RPGRIP1L: variants seen among roughly 807,000 people sequenced by gnomAD.
RPGRIP1L encodes the protein protein fantom.
In RPGRIP1L, 131 loss-of-function variants were observed where a neutral mutation model predicts 160.4. The ratio of observed to expected loss-of-function variants is 0.82; its 90% CI spans 0.71 to 0.94. RPGRIP1L has a LOEUF of 0.94. RPGRIP1L is among the 40% of genes least tolerant of loss of function. The probability of loss-of-function intolerance (pLI) is 0.00; values close to 1 mark genes in which losing one functional copy is unlikely to be tolerated. For synonymous variants in RPGRIP1L, 510 were observed against 515.8 expected, an observed-to-expected ratio of 0.99 and a Z score of 0.15; for missense variants, 1,522 against 1,535.8, an observed-to-expected ratio of 0.99 and a Z score of 0.15.
intron 2 of RPGRIP1L, among the ~76,000 whole-genome samples, chr16:53,698,777 C>T (rs1353406188): frequency 1.3e-5 from 2 of 150,340 alleles, no homozygotes; most frequent in East Asian, 2.0e-4. Flanking sequence ...GGGGGGTCAG[C>T]CCCCCACCCG....
chr16:53,640,230 G>A (rs1966118486), intron 19 of RPGRIP1L, among the ~76,000 whole-genome samples: 1 of 152,156 alleles, frequency 6.6e-6, no homozygotes, highest in South Asian at 2.1e-4. Flanking sequence ...AGTGAAAGAG[G>A]CAAAAATTTT....
In RPGRIP1L at chr16:53,692,382, A is replaced by C; in HGVS notation, c.231-18T>G. ...TGGCCATTCTGGGGAAATAATAAAA[A>C]GATGAAAAGGAATGTGAGAAGTCAG... On this transcript the variant is annotated intron_variant, in intron 3 of 26. Coordinates refer to ENST00000647211, the MANE Select transcript of RPGRIP1L (RefSeq NM_015272.5). 1.2e-6 allele frequency: 2 copies of C among 1,609,292 alleles called. No individual in the cohort carries two copies. Among genetic ancestry groups the C allele is most frequent in the Non-Finnish European group, 1.7e-6 (2 of 1,175,742 alleles).
At chr16:53,689,044 ATGG>A (rs1175869395) in intron 4 of RPGRIP1L, among the ~76,000 whole-genome samples, 2 of 150,160 alleles carry the variant, frequency 1.3e-5, no homozygotes, top group African/African-American at 4.9e-5. Context: ...TTACAGTCTC[ATGG>A]TGATTTGCCA....
Position 53,652,679 on chromosome 16 carries a change from A to G in RPGRIP1L, c.2008T>C (p.Leu670=), listed in dbSNP as rs1162379929. 6.2e-7 allele frequency: 1 copy of G among 1,614,098 alleles called. No homozygotes were observed. Among genetic ancestry groups the G allele is most frequent in the East Asian group, 2.2e-5 (1 of 44,872 alleles). Residue 670 remains leucine (L), a synonymous_variant, in exon 15 of 27, where the codon TTG becomes CTG. Coordinates refer to ENST00000647211, the MANE Select transcript of RPGRIP1L (RefSeq NM_015272.5). The part of the protein sequence containing the change: ...QYLVHVNDLF[L]QYIQKNTITL... ...ATAGTATTCTTCTGAATATATTGCAAAAATAAGTCATTAACATGAACAAGA... is the reference window on the plus strand; with the variant it reads ...ATAGTATTCTTCTGAATATATTGCAGAAATAAGTCATTAACATGAACAAGA...
Position 53,648,626 on chromosome 16 carries a change from GCA to G in RPGRIP1L, c.2304+336_2304+337del, listed in dbSNP as rs113624342. ...TACGTACGCGCGTGCGCGCGCGCGC[GCA>G]CACACACACACACACACACACACAC... On this transcript the variant is annotated intron_variant, in intron 16 of 26. Coordinates refer to ENST00000647211, the MANE Select transcript of RPGRIP1L (RefSeq NM_015272.5). Among the ~76,000 whole-genome samples the G allele has an allele frequency of 3.7e-3, 540 of 144,082 alleles. 4 individuals carry two copies. The highest frequency in any genetic ancestry group is 4.4e-3 in the African/African-American group (171 of 38,976). 94.5% of individuals were successfully genotyped at this position (144,082 alleles called of 152,430 possible).
At chr16:53,647,761 T>C (rs755844252) in intron 16 of RPGRIP1L, among the ~76,000 whole-genome samples, 2 of 152,212 alleles carry the variant, frequency 1.3e-5, no homozygotes, top group African/African-American at 2.4e-5. Context: ...TACTATATCT[T>C]ATCCCTCTGT....
chr16:53,653,316 G>T, intron 14 of RPGRIP1L: 1 of 1,140,520 alleles, frequency 8.8e-7, no homozygotes, highest in Non-Finnish European at 1.1e-6. Flanking sequence ...CCCTGTCTCT[G>T]CTCCACCCAT....
chr16:53,702,219 A>C (rs957181729), intron 1 of RPGRIP1L, among the ~76,000 whole-genome samples: 1 of 152,192 alleles, frequency 6.6e-6, no homozygotes, highest in African/African-American at 2.4e-5. Flanking sequence ...TTTACAAATG[A>C]GGAAGCTGAG....
chr16:53,691,100 T>C (rs1220020246), intron 4 of RPGRIP1L, among the ~76,000 whole-genome samples: 2 of 151,650 alleles, frequency 1.3e-5, no homozygotes, highest in East Asian at 1.9e-4. Flanking sequence ...CTGTTCATAG[T>C]GGTTTTTCGT....
chr16:53,671,637 G>C (rs1182281584), intron 8 of RPGRIP1L, 54 bp from the exon 9 acceptor site: 3 of 922,002 alleles, frequency 3.3e-6, no homozygotes, highest in Non-Finnish European at 3.3e-6. Context: ...AACCACTTGG[G>C]GGTAAAAAAA....
chr16:53,662,988 G>C (rs1474890309), intron 10 of RPGRIP1L, among the ~76,000 whole-genome samples: 3 of 151,884 alleles, frequency 2.0e-5, no homozygotes, highest in Non-Finnish European at 2.9e-5. Flanking sequence ...TTGTGATGTA[G>C]ATTTATATTA....
chr16:53,692,208 G>A lies in RPGRIP1L; in HGVS notation c.387C>T (p.Leu129=), dbSNP rs752951179. The change falls in exon 4 of 27, where the codon CTC becomes CTT. Residue 129 remains leucine, a synonymous_variant. Coordinates refer to ENST00000647211, the MANE Select transcript of RPGRIP1L (RefSeq NM_015272.5). ...VHELEKQNET[L]KNRLISAKQQ... ...GTTTGGCTGAAATCAGTCTGTTTTTGAGGGTTTCATTTTGTTTTTCAAGCT... is the reference window on the plus strand; with the variant it reads ...GTTTGGCTGAAATCAGTCTGTTTTTAAGGGTTTCATTTTGTTTTTCAAGCT... The A allele has an allele frequency of 9.3e-6, 15 of 1,613,920 alleles. No homozygotes were observed. In the East Asian group the frequency reaches 3.3e-4, roughly 36 times the overall value.
intron 4 of RPGRIP1L, among the ~76,000 whole-genome samples, chr16:53,689,857 G>C (rs146157458): frequency 8.5e-5 from 13 of 152,322 alleles, no homozygotes; most frequent in African/African-American, 2.9e-4. Flanking sequence ...ATCCTGAACA[G>C]TGAGAAAGGT....
chr16:53,625,048 A>C (rs984629527), intron 22 of RPGRIP1L, among the ~76,000 whole-genome samples: 48 of 152,016 alleles, frequency 3.2e-4, no homozygotes, highest in Middle Eastern at 6.8e-3. Flanking sequence ...TTGCAGACGG[A>C]GTCTCGCTCA....
Position 53,653,388 on chromosome 16 carries a change from G to C in RPGRIP1L, c.1700-401C>G, listed in dbSNP as rs149279374. 4.5e-5 allele frequency: 45 copies of C among 1,007,236 alleles called. No individual in the cohort carries two copies. The African/African-American group carries it at 7.1e-4, about 16-fold the overall frequency. The allele number at this position is 1,007,236 out of a possible 1,614,324, so 62.4% of individuals were successfully genotyped here. On this transcript the variant is annotated intron_variant, in intron 14 of 26. Coordinates refer to ENST00000647211, the MANE Select transcript of RPGRIP1L (RefSeq NM_015272.5). ...TGCCTCCTTTCCTTTAACTTATTAAGATTTATACTTTTCTTCTTCGTGGGG... is the reference window on the plus strand; with the variant it reads ...TGCCTCCTTTCCTTTAACTTATTAACATTTATACTTTTCTTCTTCGTGGGG...
chr16:53,701,715 G>C (rs1004143248), intron 1 of RPGRIP1L: 32 of 151,810 alleles, frequency 2.1e-4, no homozygotes, highest in African/African-American at 7.7e-4. Flanking sequence ...CTAGCATAGA[G>C]CGTGGTGCAT....
chr16:53,621,091 C>T (rs1426594219), intron 23 of RPGRIP1L, among the ~76,000 whole-genome samples: 2 of 152,082 alleles, frequency 1.3e-5, no homozygotes, highest in African/African-American at 2.4e-5. Context: ...TTGTTTATCA[C>T]AGAACCTAAT....
chr16:53,615,336 C>G (rs1319134411), intron 24 of RPGRIP1L, among the ~76,000 whole-genome samples: 2 of 151,808 alleles, frequency 1.3e-5, no homozygotes, highest in Admixed American at 6.6e-5. Context: ...TTCTTGCTTT[C>G]TCAGCATTCT....
chr16:53,681,297 T>TA (rs1567874267), intron 6 of RPGRIP1L, among the ~76,000 whole-genome samples: 1 of 152,230 alleles, frequency 6.6e-6, no homozygotes, highest in South Asian at 2.1e-4. Flanking sequence ...ACATTTATTT[T>TA]AAAAAAACAC....
Sources: gnomAD v4.1 joint callset for allele counts (sites outside exome capture counted in the v4.1 genomes callset) on GRCh38, gnomAD v4.1.1 for gene constraint, MANE v1.5 for transcripts, NCBI Gene and HGNC (gene_info 2026-07-23, HGNC 2026-07-21) for gene names.